SCMH1: variants seen among roughly 807,000 people sequenced by gnomAD.
SCMH1 encodes the protein Scm polycomb group protein homolog 1, also known as polycomb protein SCMH1.
Under a neutral mutation model 70.8 loss-of-function variants are expected in SCMH1, and 37 were observed. The ratio of observed to expected loss-of-function variants is 0.52; its 90% CI spans 0.40 to 0.69. The LOEUF is 0.69. Among genes scored for constraint, SCMH1 ranks in the 30% least tolerant of loss-of-function variants. The pLI is 0.00. For missense variants in SCMH1, 607 were observed against 827.3 expected (o/e 0.73, Z 3.27); for synonymous variants, 292 against 307.4 (o/e 0.95, Z 0.52).
At chr1:41,067,093 A>G (rs531200690) in intron 10 of SCMH1, among the ~76,000 whole-genome samples, 1 of 152,288 alleles carries the variant, frequency 6.6e-6, no homozygotes, top group African/African-American at 2.4e-5. Flanking sequence ...TAAGTAGGTG[A>G]GTGGATAAAT....
At chr1:41,110,212 T>C (rs759705375) in intron 8 of SCMH1, among the ~76,000 whole-genome samples, 4 of 152,198 alleles carry the variant, frequency 2.6e-5, no homozygotes, top group Non-Finnish European at 4.4e-5. Flanking sequence ...TCAGTGCAAC[T>C]ATCCTAATCC....
intron 4 of SCMH1, among the ~76,000 whole-genome samples, chr1:41,152,984 T>G (rs1181984281): frequency 6.6e-6 from 1 of 152,250 alleles, no homozygotes; most frequent in Non-Finnish European, 1.5e-5. Context: ...GATGACTATT[T>G]TCTGAAGTCA....
At chr1:41,194,440 TG>T (rs1246500801) in intron 1 of SCMH1, among the ~76,000 whole-genome samples, 2 of 152,232 alleles carry the variant, frequency 1.3e-5, no homozygotes, top group African/African-American at 4.8e-5. Flanking sequence ...TATGAACTAC[TG>T]TAGATCAAAG....
intron 8 of SCMH1, among the ~76,000 whole-genome samples, chr1:41,108,429 C>A (rs1668527112): frequency 6.6e-6 from 1 of 152,170 alleles, no homozygotes; most frequent in Non-Finnish European, 1.5e-5. Context: ...GTATGATTAG[C>A]ATCATAGTCA....
At position 41,105,524 on chromosome 1, in the gene SCMH1, G is replaced by A. The variant is rs1667675580; in HGVS notation, c.745+7759C>T. Among the ~76,000 whole-genome samples the A allele has an allele frequency of 2.0e-5, 3 of 152,086 alleles. No individual in the cohort carries two copies. In the South Asian group the frequency reaches 6.2e-4, roughly 32 times the overall value. ...GGTAGAAAACAATCCCAACTTCCTA[G>A]ACATGACAGAAAGAAGAATTTTAGC... On this transcript the variant is annotated intron_variant, in intron 8 of 14. Transcript: ENST00000337495.
At chr1:41,114,034 T>C (rs911020782) in intron 7 of SCMH1, among the ~76,000 whole-genome samples, 1 of 152,224 alleles carries the variant, frequency 6.6e-6, no homozygotes, top group Non-Finnish European at 1.5e-5. Context: ...ATTGTATATA[T>C]ATATCGAAAT....
intron 10 of SCMH1, among the ~76,000 whole-genome samples, chr1:41,049,467 T>C (rs1194770875): frequency 6.6e-6 from 1 of 151,294 alleles, no homozygotes; most frequent in Non-Finnish European, 1.5e-5. Flanking sequence ...TTAAAAAAAA[T>C]TGGATTAAAA....
At chr1:41,206,125 G>A (rs1382449855) in intron 1 of SCMH1, among the ~76,000 whole-genome samples, 1 of 152,132 alleles carries the variant, frequency 6.6e-6, no homozygotes, top group African/African-American at 2.4e-5. Flanking sequence ...AAAAACCAGA[G>A]CGCCTCTTCT....
intron 5 of SCMH1, among the ~76,000 whole-genome samples, chr1:41,146,049 A>C (rs986735071): frequency 2.0e-5 from 3 of 152,214 alleles, no homozygotes; most frequent in Admixed American, 6.5e-5. Context: ...ATTCCAGAAG[A>C]AGGCATTGTT....
intron 1 of SCMH1, among the ~76,000 whole-genome samples, chr1:41,234,624 G>A (rs1187118075): frequency 1.3e-5 from 2 of 151,482 alleles, no homozygotes; most frequent in East Asian, 1.9e-4. Flanking sequence ...ACAGGCACCC[G>A]CCACCACACC....
intron 13 of SCMH1, among the ~76,000 whole-genome samples, chr1:41,031,504 A>T (rs1183754417): frequency 6.6e-6 from 1 of 152,178 alleles, no homozygotes; most frequent in Admixed American, 6.5e-5. Flanking sequence ...AGATTCTAGC[A>T]TATTGTCTTT....
intron 10 of SCMH1, among the ~76,000 whole-genome samples, chr1:41,063,400 G>A (rs1217818934): frequency 6.6e-6 from 1 of 152,090 alleles, no homozygotes; most frequent in Non-Finnish European, 1.5e-5. Context: ...TTGAACCTGG[G>A]AGGTGGAAGT....
At chr1:41,150,396 G>A (rs1253907585) in intron 5 of SCMH1, among the ~76,000 whole-genome samples, 3 of 152,086 alleles carry the variant, frequency 2.0e-5, no homozygotes, top group Non-Finnish European at 2.9e-5. Flanking sequence ...CCAGCTACTC[G>A]GGAGGCTGAG....
At chr1:41,143,782 G>A (rs1644311556) in intron 5 of SCMH1, among the ~76,000 whole-genome samples, 1 of 152,102 alleles carries the variant, frequency 6.6e-6, no homozygotes, top group Admixed American at 6.6e-5. Context: ...GGCAACCAAT[G>A]ATCTACTTTC....
chr1:41,186,529 T>A (rs1320939006), intron 1 of SCMH1, among the ~76,000 whole-genome samples: 1 of 152,204 alleles, frequency 6.6e-6, no homozygotes, highest in Non-Finnish European at 1.5e-5. Flanking sequence ...CTAACCAGGT[T>A]AAGCCAGAAT....
chr1:41,145,472 G>GT (rs1644469348), intron 5 of SCMH1, among the ~76,000 whole-genome samples: 1 of 152,116 alleles, frequency 6.6e-6, no homozygotes. Flanking sequence ...TAGCTTTGTA[G>GT]TAAGTTTTGA....
At chr1:41,233,773 C>A (rs922204674) in intron 1 of SCMH1, among the ~76,000 whole-genome samples, 1 of 152,088 alleles carries the variant, frequency 6.6e-6, no homozygotes, top group East Asian at 1.9e-4. Flanking sequence ...TGAAACTTAC[C>A]GTTGTTCTCT....
At chr1:41,028,423 C>T (rs1238674831) in intron 14 of SCMH1, 104 bp from the exon 16 acceptor site, 21 of 1,527,908 alleles carry the variant, frequency 1.4e-5, no homozygotes, top group East Asian at 9.0e-5. Flanking sequence ...GGGAAGTGCC[C>T]GCCACATGGA....
chr1:41,172,887 G>T (rs1472689905), intron 2 of SCMH1, among the ~76,000 whole-genome samples: 1 of 152,064 alleles, frequency 6.6e-6, no homozygotes, highest in Non-Finnish European at 1.5e-5. Context: ...ATATCCATAT[G>T]CAGAAAAATA....
Sources: gnomAD v4.1 joint callset for allele counts (sites outside exome capture counted in the v4.1 genomes callset) on GRCh38, gnomAD v4.1.1 for gene constraint, MANE v1.5 for transcripts, NCBI Gene and HGNC (gene_info 2026-07-23, HGNC 2026-07-21) for gene names.